THBS4: variants seen among roughly 807,000 people sequenced by gnomAD.
THBS4 encodes the protein thrombospondin-4.
In THBS4, 90 loss-of-function variants were observed where a neutral mutation model predicts 115.7. That is an observed-to-expected ratio of 0.78 (90% CI 0.66 to 0.93). The LOEUF is 0.93. Among genes scored for constraint, THBS4 ranks in the 40% least tolerant of loss-of-function variants. The pLI, the probability that THBS4 is intolerant of heterozygous loss-of-function variation, is 0.00. For missense variants in THBS4, 1,087 were observed against 1,232.7 expected (o/e 0.88, Z 1.77); for synonymous variants, 460 against 479.3 (o/e 0.96, Z 0.53).
intron 2 of THBS4, among the ~76,000 whole-genome samples, chr5:80,049,323 C>T (rs1833177504): frequency 6.6e-6 from 1 of 152,274 alleles, no homozygotes; most frequent in African/African-American, 2.4e-5. Flanking sequence ...CGGCTGGTCC[C>T]AAGCATGGAA....
chr5:80,067,776 C>T (rs768322625), intron 9 of THBS4, 197 bp from the exon 10 acceptor site: 18 of 558,596 alleles, frequency 3.2e-5, no homozygotes, highest in South Asian at 1.8e-4. Flanking sequence ...AGTGGCCGGA[C>T]GCAGCCTCCA....
At chr5:80,082,360 C>G (rs1743554233) in intron 20 of THBS4, 46 bp from the exon 21 acceptor site, 1 of 1,606,836 alleles carries the variant, frequency 6.2e-7, no homozygotes, top group Non-Finnish European at 8.5e-7. Flanking sequence ...GGCACTTTAC[C>G]CCGGGTTGGA....
intron 3 of THBS4, 83 bp downstream of exon 3, chr5:80,056,115 C>T (rs1169660434): frequency 7.5e-6 from 11 of 1,460,936 alleles, no homozygotes; most frequent in Non-Finnish European, 8.2e-6. Flanking sequence ...CTGAGAAATT[C>T]CTGCTGCAGG....
intron 3 of THBS4, among the ~76,000 whole-genome samples, chr5:80,056,829 AT>A (rs146177037): frequency 6.6e-6 from 1 of 152,254 alleles, no homozygotes; most frequent in African/African-American, 2.4e-5. Context: ...CTCACTTTCC[AT>A]TTGTTAATTC....
chr5:80,009,211 G>GT (rs1234740607), intron 2 of THBS4, among the ~76,000 whole-genome samples: 1 of 152,184 alleles, frequency 6.6e-6, no homozygotes, highest in Non-Finnish European at 1.5e-5. Flanking sequence ...GAAAAGGAGT[G>GT]TTTTATTTGG....
chr5:80,026,896 T>G (rs1374307019), intron 2 of THBS4, among the ~76,000 whole-genome samples: 1 of 152,182 alleles, frequency 6.6e-6, no homozygotes, highest in Non-Finnish European at 1.5e-5. Flanking sequence ...TTCCCCACAC[T>G]CTCATTCCCA....
chr5:80,057,960 G>A (rs142443436), intron 3 of THBS4, among the ~76,000 whole-genome samples: 53 of 152,264 alleles, frequency 3.5e-4, no homozygotes, highest in East Asian at 1.5e-3. Context: ...AGAGCCTTTC[G>A]TTTTCTCAGC....
intron 2 of THBS4, among the ~76,000 whole-genome samples, chr5:80,013,221 C>A (rs1029486978): frequency 3.3e-5 from 5 of 152,102 alleles, no homozygotes; most frequent in African/African-American, 1.2e-4. Flanking sequence ...CTCACTGCAA[C>A]CTCTGCCTCC....
At chr5:80,019,588 A>G (rs368035794) in intron 2 of THBS4, 2 of 152,592 alleles carry the variant, frequency 1.3e-5, no homozygotes, top group African/African-American at 4.8e-5. Context: ...CAAACAGACA[A>G]ACAAAAAAAG....
Position 80,035,896 on chromosome 5 carries a change from CT to C in THBS4, c.88+273del. 1.1e-6 allele frequency: 1 copy of C among 882,644 alleles called. No individual in the cohort carries two copies. Among genetic ancestry groups the C allele is most frequent in the South Asian group, 5.7e-5 (1 of 17,400 alleles). 54.7% of individuals were successfully genotyped at this position (882,644 alleles called of 1,614,324 possible). A position where few individuals can be genotyped will look rare whatever the true frequency, so the allele number is the denominator to read the frequency against. On this transcript the variant is annotated intron_variant, in intron 1 of 21. Coordinates refer to ENST00000350881, the MANE Select transcript of THBS4 (RefSeq NM_003248.6). The surrounding 1 kb of genome is among the most constrained non-coding windows in gnomAD (Gnocchi z 4.6). ...ATGCAAAGATGTGGGGTGGGGTTGCCTTCAAAACTTGCTACACGGTCCTAGA... is the reference window on the plus strand; with the variant it reads ...ATGCAAAGATGTGGGGTGGGGTTGCCTCAAAACTTGCTACACGGTCCTAGA...
At chr5:80,046,450 A>G (rs1158649338) in intron 2 of THBS4, among the ~76,000 whole-genome samples, 1 of 152,244 alleles carries the variant, frequency 6.6e-6, no homozygotes, top group Non-Finnish European at 1.5e-5. Flanking sequence ...TAAAGAAGGG[A>G]AGGGTGGATT....
At chr5:80,080,577 A>ATTTTTTTTTTTTTTTT in intron 20 of THBS4, among the ~76,000 whole-genome samples, 1 of 66,826 alleles carries the variant, frequency 1.5e-5, no homozygotes. Flanking sequence ...CAGCGCTTGT[A>ATTTTTTTTTTTTTTTT]TCTTTTTTTT....
intron 2 of THBS4, among the ~76,000 whole-genome samples, chr5:80,002,999 G>C (rs991301888): frequency 4.0e-5 from 6 of 151,754 alleles, no homozygotes; most frequent in Non-Finnish European, 7.4e-5. Flanking sequence ...AACAGAACAG[G>C]GAATATACAT....
intron 2 of THBS4, among the ~76,000 whole-genome samples, chr5:80,015,201 C>T (rs998870916): frequency 3.3e-5 from 5 of 152,190 alleles, no homozygotes; most frequent in African/African-American, 7.2e-5. Context: ...TTCCTTTTGG[C>T]GTTGAAATAA....
chr5:80,012,501 T>C (rs1215882941), intron 2 of THBS4, among the ~76,000 whole-genome samples: 2 of 152,162 alleles, frequency 1.3e-5, no homozygotes, highest in Admixed American at 6.5e-5. Flanking sequence ...GGCCATAAAA[T>C]GTCTGACTTC....
At chr5:80,001,463 T>C (rs556630729) in intron 2 of THBS4, among the ~76,000 whole-genome samples, 1 of 152,374 alleles carries the variant, frequency 6.6e-6, no homozygotes, top group South Asian at 2.1e-4. Flanking sequence ...TGTTACTGAA[T>C]GGCGTACATG....
At chr5:80,013,720 C>T (rs1832192118) in intron 2 of THBS4, among the ~76,000 whole-genome samples, 1 of 152,046 alleles carries the variant, frequency 6.6e-6, no homozygotes, top group Non-Finnish European at 1.5e-5. Flanking sequence ...AGGTTTGTGG[C>T]CCTGGAAGAG....
At chr5:79,999,789 A>G (rs1831861312) in intron 2 of THBS4, among the ~76,000 whole-genome samples, 1 of 152,236 alleles carries the variant, frequency 6.6e-6, no homozygotes, top group Non-Finnish European at 1.5e-5. Flanking sequence ...AATGAGATAT[A>G]TCTGGTCTGA....
intron 2 of THBS4, among the ~76,000 whole-genome samples, chr5:80,002,895 G>A (rs1299409467): frequency 2.7e-5 from 4 of 147,644 alleles, no homozygotes; most frequent in African/African-American, 1.0e-4. Flanking sequence ...GTGGGTAGAG[G>A]AACTGTTATG....
Sources: allele counts gnomAD v4.1 joint callset (sites outside exome capture counted in the v4.1 genomes callset), GRCh38; gene constraint gnomAD v4.1.1; non-coding constraint Gnocchi (gnomAD v3.1); transcripts MANE v1.5; gene names NCBI Gene and HGNC (gene_info 2026-07-23, HGNC 2026-07-21).